LRWD1: variants seen among roughly 807,000 people sequenced by gnomAD.
LRWD1 encodes leucine rich repeats and WD repeat domain containing 1, also known as leucine-rich repeat and WD repeat-containing protein 1.
LRWD1 carries 76 observed loss-of-function variants against 75.6 expected under a neutral mutation model. The observed-to-expected ratio is 1.01, with a 90% CI of 0.84 to 1.22. LRWD1 has a LOEUF of 1.22. LRWD1 is among the 50% of genes most tolerant of loss of function. LRWD1 has a pLI of 0.00. For synonymous variants in LRWD1, 487 were observed against 377.0 expected (o/e 1.29, Z -3.38); for missense variants, 917 against 862.0 (o/e 1.06, Z -0.80).
Position 102,472,986 on chromosome 7 carries a change from C to T in LRWD1, c.1881C>T (p.Ala627=), listed in dbSNP as rs373015142. Residue 627 remains alanine (A), a synonymous_variant, in exon 15 of 15, where the codon GCC becomes GCT. Transcript: ENST00000292616. ...KTMVNTVVAN[A]SFTYLTALTD... ...TGGTGAACACAGTGGTGGCCAATGC[C>T]TCCTTCACCTACCTCACCGCCCTGA... 7.4e-6 allele frequency: 12 copies of T among 1,614,140 alleles called. No homozygotes were observed. The highest frequency in any genetic ancestry group is 3.3e-5 in the South Asian group (3 of 91,086).
Position 102,467,173 on chromosome 7 carries a change from T to TGG in LRWD1, c.433-165_433-164insGG, listed in dbSNP as rs1378305309. On this transcript the variant is annotated intron_variant, in intron 3 of 14. Transcript: ENST00000292616. ...GGTTGTTGCTGGGGTGTGTGTGGGG[T>TGG]GTGTGTGTGTGTGTGTGTGTGTGTG... Among the ~76,000 whole-genome samples, 3 of 60,266 alleles carry TGG rather than the reference T, an allele frequency of 5.0e-5. 1 individual carries two copies. The highest frequency in any genetic ancestry group is 4.4e-4 in the East Asian group (1 of 2,270). 39.5% of individuals were successfully genotyped at this position (60,266 alleles called of 152,430 possible).
Position 102,465,022 on chromosome 7 carries a change from A to C in LRWD1, c.-59A>C. The C allele has an allele frequency of 2.9e-6, 4 of 1,395,064 alleles. No individual in the cohort carries two copies. The highest frequency in any genetic ancestry group is 3.7e-6 in the Non-Finnish European group (4 of 1,069,840). 86.4% of individuals were successfully genotyped at this position (1,395,064 alleles called of 1,614,324 possible). On this transcript the variant is annotated 5_prime_UTR_variant, in exon 1 of 15. Transcript: ENST00000292616. Reference sequence around the variant, plus strand: ...GCCAGTGCCGGGCTCCAGGAGACGCAGGGCGACGCCACACGCCGGGGTGGC... The same window carrying C: ...GCCAGTGCCGGGCTCCAGGAGACGCCGGGCGACGCCACACGCCGGGGTGGC...
At chr7:102,469,094 C>T in intron 9 of LRWD1, 32 bp downstream of exon 9, 1 of 1,544,896 alleles carries the variant, frequency 6.5e-7, no homozygotes, top group South Asian at 1.2e-5. Flanking sequence ...CTGGGACCCC[C>T]AAGCACCCCT....
intron 8 of LRWD1, 44 bp from the exon 9 acceptor site, chr7:102,468,811 C>A: frequency 6.3e-7 from 1 of 1,597,884 alleles, no homozygotes; most frequent in Non-Finnish European, 8.5e-7. Context: ...GTGTTCACAC[C>A]AATAGCTCTG....
rs1554579616 is a variant in LRWD1, at chr7:102,467,214, G to GT, written c.433-121dup. ...TGTGTGTGTGTGTGTGTGTGTGTGT[G>GT]TTTTATGAGGCTGTGATTCCAGGAG... On this transcript the variant is annotated intron_variant, in intron 3 of 14. Transcript: ENST00000292616. 37 of 815,812 alleles carry GT rather than the reference G, an allele frequency of 4.5e-5. No individual in the cohort carries two copies. In the African/African-American group the frequency reaches 6.4e-4, roughly 14 times the overall value. The allele number at this position is 815,812 out of a possible 1,614,324, so 50.5% of individuals were successfully genotyped here. A position where few individuals can be genotyped will look rare whatever the true frequency, so the allele number is the denominator to read the frequency against.
At chr7:102,466,832 G>A (rs1389947975) in intron 3 of LRWD1, among the ~76,000 whole-genome samples, 4 of 124,750 alleles carry the variant, frequency 3.2e-5, no homozygotes, top group Middle Eastern at 6.0e-3. Context: ...CCATGTTGAA[G>A]TGCAGTGGTG....
intron 11 of LRWD1, chr7:102,470,165 G>GCC (rs1384002789): frequency 2.4e-6 from 1 of 408,868 alleles, no homozygotes; most frequent in African/African-American, 2.1e-5. Context: ...GCCCACTCCT[G>GCC]CCACTCATCA....
At chr7:102,469,668 G>A (rs201783652) in intron 10 of LRWD1, 22 bp downstream of exon 10, 1 of 1,614,120 alleles carries the variant, frequency 6.2e-7, no homozygotes, top group Non-Finnish European at 8.5e-7. Flanking sequence ...GGTGAGGCTG[G>A]GGAGTGGCCA....
chr7:102,464,996 C>G lies in LRWD1; in HGVS notation c.-85C>G. On this transcript the variant is annotated 5_prime_UTR_variant, in exon 1 of 15. Coordinates refer to ENST00000292616, the MANE Select transcript of LRWD1 (RefSeq NM_152892.3). Reference sequence around the variant, plus strand: ...GCCTCCTGGGCTCAGTTACCGCGGACGCCAGTGCCGGGCTCCAGGAGACGC... The same window carrying G: ...GCCTCCTGGGCTCAGTTACCGCGGAGGCCAGTGCCGGGCTCCAGGAGACGC... 1.5e-6 allele frequency: 2 copies of G among 1,355,246 alleles called. No individual in the cohort carries two copies. Among genetic ancestry groups the G allele is most frequent in the South Asian group, 3.4e-5 (2 of 59,412 alleles). 84.0% of individuals were successfully genotyped at this position (1,355,246 alleles called of 1,614,324 possible). A position where few individuals can be genotyped will look rare whatever the true frequency, so the allele number is the denominator to read the frequency against.
intron 11 of LRWD1, 178 bp from the exon 12 acceptor site, chr7:102,472,040 C>A: frequency 1.6e-6 from 1 of 622,366 alleles, no homozygotes; most frequent in Admixed American, 2.6e-5. Context: ...GGTGCTGGCT[C>A]CCCCTTCCAG....
At chr7:102,471,193 A>T (rs1301230616) in intron 11 of LRWD1, 1 of 152,200 alleles carries the variant, frequency 6.6e-6, no homozygotes, top group East Asian at 1.9e-4. Context: ...CAGCCTCCCA[A>T]AGTGCCAGGA....
At chr7:102,468,041 G>T in intron 5 of LRWD1, 21 bp from the exon 6 acceptor site, 1 of 1,602,418 alleles carries the variant, frequency 6.2e-7, no homozygotes. Flanking sequence ...CAGGCCCATG[G>T]TCACAAGGCC....
rs961485612 is a variant in LRWD1, at chr7:102,473,081, G to A, written c.*32G>A. The A allele has an allele frequency of 1.3e-6, 2 of 1,563,736 alleles. No individual in the cohort carries two copies. The highest frequency in any genetic ancestry group is 1.4e-5 in the African/African-American group (1 of 72,878). ...ACCATCGCAAAGGACCAGGGACACA[G>A]CTAACTAACTTATTCAGCTTTGGGC... On this transcript the variant is annotated 3_prime_UTR_variant, in exon 15 of 15. Coordinates refer to ENST00000292616, the MANE Select transcript of LRWD1 (RefSeq NM_152892.3).
chr7:102,472,872 A>G, intron 14 of LRWD1, 37 bp from the exon 15 acceptor site: 1 of 1,611,742 alleles, frequency 6.2e-7, no homozygotes, highest in Non-Finnish European at 8.5e-7. Context: ...TTTGGTCAGC[A>G]GGAGCCCAGC....
rs370719110 is a variant in LRWD1 at position 102,472,798 on chromosome 7, C to T, written c.1797C>T (p.Pro599=). ...PPLLPAALQA[P]TQILKWPQPW... is the part of the protein sequence containing the mutation. ...TGCTGCCGGCAGCCCTGCAGGCCCC[C>T]ACACAGGTACTGCCCGGCTCACCCT... Residue 599 remains proline, a synonymous_variant, in exon 14 of 15, where the codon CCC becomes CCT. Coordinates refer to ENST00000292616, the MANE Select transcript of LRWD1 (RefSeq NM_152892.3). The T allele has an allele frequency of 8.7e-6, 14 of 1,613,198 alleles. No homozygotes were observed. In the African/African-American group the frequency reaches 1.5e-4, roughly 17 times the overall value.
In LRWD1 at chr7:102,468,106, CCT is replaced by C; in HGVS notation, c.729_730del (p.Pro244GlnfsTer81). On this transcript the variant is annotated frameshift_variant, in exon 6 of 15. Coordinates refer to ENST00000292616, the MANE Select transcript of LRWD1 (RefSeq NM_152892.3). LOFTEE classifies it high-confidence loss of function. Reference sequence around the variant, plus strand: ...AACGGCCAGACGACGTCCCACTCAGCCTCTCTCCCAGCAAGCGGGCGTGTGCC... The same window carrying C: ...AACGGCCAGACGACGTCCCACTCAGCCTCTCCCAGCAAGCGGGCGTGTGCC... ...LKRPDDVPLSLSPSKRACASP... is the reference protein window; with the variant it reads ...LKRPDDVPLSXSPSKRACASP... The C allele has an allele frequency of 6.2e-7, 1 of 1,610,444 alleles. No homozygotes were observed. The highest frequency in any genetic ancestry group is 2.2e-5 in the East Asian group (1 of 44,832).
At chr7:102,467,162 T>C (rs1473313194) in intron 3 of LRWD1, among the ~76,000 whole-genome samples, 177 bp from the exon 4 acceptor site, 1 of 14,070 alleles carries the variant, frequency 7.1e-5, no homozygotes, top group Non-Finnish European at 2.3e-4. Flanking sequence ...GTTGCTGGGG[T>C]GTGTGTGGGG....
In LRWD1 at chr7:102,469,653, C is replaced by T. The variant is rs769678960; in HGVS notation, c.1301+7C>T. ...ACTACGAATTCCAGGCCAGGTGATG[C>T]TTCGGGTGAGGCTGGGGAGTGGCCA... On this transcript the variant is annotated splice_region_variant and intron_variant, in intron 10 of 14. Transcript: ENST00000292616. 8.7e-6 allele frequency: 14 copies of T among 1,614,038 alleles called. No homozygotes were observed. Among genetic ancestry groups the T allele is most frequent in the Non-Finnish European group, 1.2e-5 (14 of 1,179,992 alleles).
intron 5 of LRWD1, 118 bp from the exon 6 acceptor site, chr7:102,467,944 A>C (rs1798062665): frequency 6.6e-7 from 1 of 1,506,022 alleles, no homozygotes; most frequent in African/African-American, 1.4e-5. Flanking sequence ...CTCACTCCCT[A>C]GGTGACCCCG....
Sources: allele counts gnomAD v4.1 joint callset (sites outside exome capture counted in the v4.1 genomes callset), GRCh38; gene constraint gnomAD v4.1.1; transcripts MANE v1.5; gene names NCBI Gene and HGNC (gene_info 2026-07-23, HGNC 2026-07-21).